ANO4: variants seen among roughly 807,000 people sequenced by gnomAD.
ANO4 encodes the protein anoctamin 4.
A neutral mutation model predicts 141.9 loss-of-function variants in ANO4; 69 were observed. The observed-to-expected ratio is 0.49, with a 90% confidence interval of 0.40 to 0.59. The LOEUF (loss-of-function observed/expected upper bound fraction) is 0.59, where lower values mean the gene tolerates loss of function less well. Ranked by LOEUF, ANO4 falls within the 20% of genes least tolerant of loss-of-function variation. The pLI, the probability that ANO4 is intolerant of heterozygous loss-of-function variation, is 0.00. For synonymous variants in ANO4, 350 were observed against 394.3 expected, an observed-to-expected ratio of 0.89 and a Z score of 1.33; for missense variants, 894 against 1,162.2, an observed-to-expected ratio of 0.77 and a Z score of 3.36.
At chr12:100,735,432 T>G (rs1227753858) in intron 2 of ANO4, among the ~76,000 whole-genome samples, 1 of 152,056 alleles carries the variant, frequency 6.6e-6, no homozygotes, top group Non-Finnish European at 1.5e-5. Context: ...CATTAAACAT[T>G]AGCTAAGTAG....
chr12:100,939,890 G>A (rs1018885330), intron 4 of ANO4, among the ~76,000 whole-genome samples: 1 of 152,146 alleles, frequency 6.6e-6, no homozygotes, highest in Non-Finnish European at 1.5e-5. Context: ...CATTGCAACT[G>A]TAAATAGACC....
chr12:100,941,871 TAACTC>T (rs1465533546), intron 4 of ANO4, among the ~76,000 whole-genome samples: 3 of 151,784 alleles, frequency 2.0e-5, no homozygotes, highest in Non-Finnish European at 2.9e-5. Context: ...TTTGCGCACT[TAACTC>T]AATGCTTCTT....
intron 3 of ANO4, among the ~76,000 whole-genome samples, chr12:100,760,555 A>T (rs1253354549): frequency 1.3e-5 from 2 of 152,142 alleles, no homozygotes; most frequent in Non-Finnish European, 2.9e-5. Flanking sequence ...TCAATCCCTA[A>T]GACTTTTCCT....
chr12:100,799,605 G>C (rs929162285), intron 1 of ANO4, among the ~76,000 whole-genome samples: 1 of 152,138 alleles, frequency 6.6e-6, no homozygotes, highest in African/African-American at 2.4e-5. Flanking sequence ...GCTGGGCATG[G>C]TGGGGCGCGC....
In ANO4 at chr12:101,128,099, T is replaced by C. The variant is rs576705777; in HGVS notation, c.*243T>C. 2.6e-5 allele frequency: 4 copies of C among 152,816 alleles called. No homozygotes were observed. The highest frequency in any genetic ancestry group is 7.2e-5 in the African/African-American group (3 of 41,598). 9.5% of individuals were successfully genotyped at this position (152,816 alleles called of 1,614,324 possible). A position where few individuals can be genotyped will look rare whatever the true frequency, so the allele number is the denominator to read the frequency against. On this transcript the variant is annotated 3_prime_UTR_variant, in exon 28 of 28. Transcript: ENST00000392977. ...TAGACCATTCTTGACCAAGCAAGCA[T>C]GCACATTATGGGCAGTTACATTCTC... is the stretch of plus-strand genomic sequence containing the variant.
At chr12:101,010,676 C>T (rs2046048212) in intron 8 of ANO4, among the ~76,000 whole-genome samples, 1 of 152,150 alleles carries the variant, frequency 6.6e-6, no homozygotes, top group African/African-American at 2.4e-5. Context: ...TTAACTGTAT[C>T]ACCTTTGCTT....
chr12:100,811,472 C>T (rs1417500197), intron 1 of ANO4, among the ~76,000 whole-genome samples: 2 of 152,096 alleles, frequency 1.3e-5, no homozygotes, highest in Non-Finnish European at 2.9e-5. Context: ...TTTATGGCTC[C>T]CAGCCAGGTG....
intron 9 of ANO4, among the ~76,000 whole-genome samples, chr12:101,036,679 G>T (rs530677678): frequency 6.6e-6 from 1 of 152,258 alleles, no homozygotes; most frequent in East Asian, 1.9e-4. Context: ...AATAGTGGTT[G>T]CCAGGCCCTG....
chr12:101,125,451 C>T (rs2137077370), intron 26 of ANO4, among the ~76,000 whole-genome samples: 1 of 152,108 alleles, frequency 6.6e-6, no homozygotes, highest in Non-Finnish European at 1.5e-5. Flanking sequence ...TATTTGAATA[C>T]CCTTTATTTA....
Position 100,882,991 on chromosome 12 carries a change from G to A in ANO4, c.-140-18655G>A, listed in dbSNP as rs556627112. On this transcript the variant is annotated intron_variant, in intron 1 of 27. Coordinates refer to ENST00000392977, the MANE Select transcript of ANO4 (RefSeq NM_001286615.2). Reference sequence around the variant, plus strand: ...GCTGGGATTACAGGTGTGAGCCACCGCACCCAGCTGGAGCTCTGTTTATGC... The same window carrying A: ...GCTGGGATTACAGGTGTGAGCCACCACACCCAGCTGGAGCTCTGTTTATGC... Among the ~76,000 whole-genome samples the A allele has an allele frequency of 1.4e-4, 21 of 152,218 alleles. No individual in the cohort carries two copies. The South Asian group carries it at 3.9e-3, about 29-fold the overall frequency.
intron 17 of ANO4, among the ~76,000 whole-genome samples, chr12:101,090,107 G>A (rs1187788019): frequency 6.6e-6 from 1 of 152,200 alleles, no homozygotes; most frequent in African/African-American, 2.4e-5. Flanking sequence ...AACAGGTGCT[G>A]GAGAGGAGGT....
chr12:101,098,371 G>A (rs1295396136), intron 21 of ANO4, among the ~76,000 whole-genome samples: 1 of 152,202 alleles, frequency 6.6e-6, no homozygotes, highest in Non-Finnish European at 1.5e-5. Context: ...TGGTAAGGAT[G>A]ACCTTGAATT....
At chr12:100,913,310 C>T (rs949131441) in intron 2 of ANO4, among the ~76,000 whole-genome samples, 6 of 152,156 alleles carry the variant, frequency 3.9e-5, no homozygotes, top group Admixed American at 6.5e-5. Context: ...AAGAGCATTG[C>T]GTTTTGTGGA....
chr12:101,003,112 G>A (rs2045721128), intron 8 of ANO4, among the ~76,000 whole-genome samples: 1 of 152,352 alleles, frequency 6.6e-6, no homozygotes, highest in South Asian at 2.1e-4. Context: ...ATAAATTACA[G>A]GATTATCATT....
intron 5 of ANO4, 102 bp downstream of exon 5, chr12:100,942,637 A>G (rs2042566581): frequency 5.6e-6 from 7 of 1,255,844 alleles, no homozygotes; most frequent in Middle Eastern, 2.5e-4. Flanking sequence ...CAAACATTTC[A>G]TTTGGTCAGA....
rs76600768 is a variant in ANO4, at chr12:100,960,260, G to A, written c.457-11046G>A. 4.7e-5 allele frequency among the ~76,000 whole-genome samples: 7 copies of A among 149,998 alleles called. No homozygotes were observed. In the East Asian group the frequency reaches 5.9e-4, roughly 13 times the overall value. On this transcript the variant is annotated intron_variant, in intron 5 of 27. Transcript: ENST00000392977. ...CATGTACATACATATTCACACACAC[G>A]CACACACACACACACACCCTATAAA...
At chr12:100,749,083 G>C (rs1272238561) in intron 3 of ANO4, among the ~76,000 whole-genome samples, 1 of 152,174 alleles carries the variant, frequency 6.6e-6, no homozygotes, top group African/African-American at 2.4e-5. Flanking sequence ...TTGAGTTGAG[G>C]CTATTCAGGT....
intron 7 of ANO4, among the ~76,000 whole-genome samples, chr12:100,980,428 G>C (rs931049810): frequency 6.6e-6 from 1 of 152,070 alleles, no homozygotes; most frequent in Non-Finnish European, 1.5e-5. Flanking sequence ...TTTGTAGCCA[G>C]CTCTGATATT....
At chr12:101,080,349 G>GT (rs995099661) in intron 15 of ANO4, among the ~76,000 whole-genome samples, 2 of 152,096 alleles carry the variant, frequency 1.3e-5, no homozygotes, top group Non-Finnish European at 2.9e-5. Context: ...TGTTTGGGTA[G>GT]TTTTTTGGTT....
Sources: allele counts gnomAD v4.1 joint callset (sites outside exome capture counted in the v4.1 genomes callset), GRCh38; gene constraint gnomAD v4.1.1; transcripts MANE v1.5; gene names NCBI Gene and HGNC (gene_info 2026-07-23, HGNC 2026-07-21).